SNX9: variants seen among roughly 807,000 people sequenced by gnomAD.
SNX9 encodes the protein sorting nexin-9.
Under a neutral mutation model 89.4 loss-of-function variants are expected in SNX9, and 44 were observed. The observed-to-expected ratio is 0.49, with a 90% CI of 0.39 to 0.63. SNX9 has a LOEUF of 0.63. Among genes scored for constraint, SNX9 ranks in the 30% least tolerant of loss-of-function variants. The pLI is 0.00. For missense variants in SNX9, 578 were observed against 736.1 expected (o/e 0.79, Z 2.49); for synonymous variants, 236 against 247.8 (o/e 0.95, Z 0.45).
In SNX9 at chr6:157,823,429, C is replaced by A; in HGVS notation, c.-6C>A. 1 of 1,245,948 alleles carries A rather than the reference C, an allele frequency of 8.0e-7. No individual in the cohort carries two copies. Among genetic ancestry groups the A allele is most frequent in the Non-Finnish European group, 1.0e-6 (1 of 995,322 alleles). 77.2% of individuals were successfully genotyped at this position (1,245,948 alleles called of 1,614,324 possible). A position where few individuals can be genotyped will look rare whatever the true frequency, so the allele number is the denominator to read the frequency against. The stretch of plus-strand genomic sequence containing the variant: ...CGGCCGTCCCGGGCCGGGGGACCCG[C>A]CCGCCATGGCCACCAAGGTGAGGGG... On this transcript the variant is annotated 5_prime_UTR_variant, in exon 1 of 18. Coordinates refer to ENST00000392185, the MANE Select transcript of SNX9 (RefSeq NM_016224.5). This position sits in a 1 kb window ranked among gnomAD's most constrained non-coding sequence, Gnocchi z 4.6.
chr6:157,836,890 C>T (rs1562589725), intron 1 of SNX9, among the ~76,000 whole-genome samples: 1 of 152,092 alleles, frequency 6.6e-6, no homozygotes, highest in Non-Finnish European at 1.5e-5. Flanking sequence ...CGCGCCCGGC[C>T]GAGAACACAC....
intron 1 of SNX9, among the ~76,000 whole-genome samples, chr6:157,845,694 T>C (rs1299353923): frequency 6.6e-6 from 1 of 152,136 alleles, no homozygotes; most frequent in African/African-American, 2.4e-5. Context: ...ATAGACGGCA[T>C]TGGTGAATCT....
intron 9 of SNX9, 72 bp downstream of exon 9, chr6:157,910,097 A>G (rs928027622): frequency 1.3e-5 from 16 of 1,196,572 alleles, no homozygotes; most frequent in Non-Finnish European, 1.5e-5. Context: ...CCTGTAAGTC[A>G]GTGATGGCAT....
chr6:157,901,672 T>C (rs1042579771), intron 5 of SNX9, among the ~76,000 whole-genome samples: 4 of 152,134 alleles, frequency 2.6e-5, no homozygotes, highest in Non-Finnish European at 5.9e-5. Flanking sequence ...TTAAGTTGCT[T>C]CTGATTTGTC....
intron 1 of SNX9, among the ~76,000 whole-genome samples, chr6:157,834,504 C>A (rs376350632): frequency 1.4e-5 from 2 of 146,938 alleles, no homozygotes; most frequent in Non-Finnish European, 3.0e-5. Flanking sequence ...GTGCCACCCC[C>A]CCGGCCAATT....
At chr6:157,887,282 C>T (rs1307828889) in intron 4 of SNX9, among the ~76,000 whole-genome samples, 5 of 152,166 alleles carry the variant, frequency 3.3e-5, no homozygotes, top group Non-Finnish European at 4.4e-5. Context: ...CCCGATGCCC[C>T]GTGAATCATG....
intron 1 of SNX9, among the ~76,000 whole-genome samples, chr6:157,859,683 CTCTT>C (rs1330188863): frequency 6.6e-6 from 1 of 152,160 alleles, no homozygotes; most frequent in African/African-American, 2.4e-5. Flanking sequence ...TAATTTGTCT[CTCTT>C]AGTGTGTGAG....
At chr6:157,881,331 C>G (rs1039691213) in intron 4 of SNX9, among the ~76,000 whole-genome samples, 9 of 152,140 alleles carry the variant, frequency 5.9e-5, no homozygotes, top group Non-Finnish European at 1.2e-4. Context: ...TCCGCCTGTT[C>G]TACCCGCCAG....
intron 4 of SNX9, among the ~76,000 whole-genome samples, chr6:157,893,634 A>G (rs901448944): frequency 3.1e-5 from 4 of 127,976 alleles, no homozygotes; most frequent in Non-Finnish European, 5.1e-5. Context: ...GTGTGTGTGT[A>G]TAAGACTCAA....
At chr6:157,860,707 T>C (rs1782104251) in intron 1 of SNX9, among the ~76,000 whole-genome samples, 1 of 152,240 alleles carries the variant, frequency 6.6e-6, no homozygotes, top group South Asian at 2.1e-4. Flanking sequence ...TAGCCTCAGT[T>C]TGTATTTCCT....
chr6:157,879,183 A>T (rs986540319), intron 4 of SNX9, among the ~76,000 whole-genome samples: 6 of 152,230 alleles, frequency 3.9e-5, no homozygotes, highest in Admixed American at 2.0e-4. Flanking sequence ...CTGCTCGCAG[A>T]ACGCAGGTTT....
intron 4 of SNX9, among the ~76,000 whole-genome samples, chr6:157,887,099 A>G (rs1353343368): frequency 1.3e-5 from 2 of 152,134 alleles, no homozygotes; most frequent in East Asian, 3.9e-4. Flanking sequence ...TCACCTTGCT[A>G]TATGCTGGAT....
intron 4 of SNX9, among the ~76,000 whole-genome samples, chr6:157,887,370 G>A (rs886784754): frequency 1.3e-5 from 2 of 152,188 alleles, no homozygotes; most frequent in African/African-American, 2.4e-5. Context: ...TCTTCCGTGT[G>A]TGTCTTTCCC....
rs181576611 is a variant in SNX9 at position 157,926,641 on chromosome 6, G to A, written c.1081-470G>A. On this transcript the variant is annotated intron_variant, in intron 10 of 17. Transcript: ENST00000392185. ...TACAAAAAATACAAAAATTAGCCAG[G>A]CATGGTGGCATGCGCCTAAAGTCCC... 2.2e-4 allele frequency among the ~76,000 whole-genome samples: 33 copies of A among 151,918 alleles called. No homozygotes were observed. The East Asian group carries it at 6.2e-3, about 29-fold the overall frequency.
At chr6:157,899,889 C>T (rs2886055) in intron 5 of SNX9, among the ~76,000 whole-genome samples, 98 of 134,956 alleles carry the variant, frequency 7.3e-4, no homozygotes, top group Non-Finnish European at 1.4e-3. Flanking sequence ...ACATGATTAC[C>T]TAAGTGTGTG....
chr6:157,900,466 G>A (rs1028252376), intron 5 of SNX9, among the ~76,000 whole-genome samples: 19 of 152,166 alleles, frequency 1.2e-4, no homozygotes, highest in South Asian at 2.1e-4. Flanking sequence ...GTTCCCAGGC[G>A]GATCGGCCCG....
intron 2 of SNX9, among the ~76,000 whole-genome samples, chr6:157,870,499 C>G (rs1408408699): frequency 6.6e-6 from 1 of 150,758 alleles, no homozygotes; most frequent in African/African-American, 2.4e-5. Flanking sequence ...CTCACCTGCT[C>G]TCACACATAC....
intron 4 of SNX9, among the ~76,000 whole-genome samples, chr6:157,891,905 T>A (rs948610054): frequency 6.6e-6 from 1 of 151,840 alleles, no homozygotes; most frequent in Admixed American, 6.6e-5. Context: ...TAGTGGCAGG[T>A]AGGGAGAATG....
chr6:157,834,846 T>C (rs1206208758), intron 1 of SNX9, among the ~76,000 whole-genome samples: 1 of 152,172 alleles, frequency 6.6e-6, no homozygotes, highest in African/African-American at 2.4e-5. Context: ...ATTAGTCTGA[T>C]GCAATTCCAA....
Sources: gnomAD v4.1 joint callset for allele counts (sites outside exome capture counted in the v4.1 genomes callset) on GRCh38, gnomAD v4.1.1 for gene constraint, Gnocchi (gnomAD v3.1) non-coding constraint, MANE v1.5 for transcripts, NCBI Gene and HGNC (gene_info 2026-07-23, HGNC 2026-07-21) for gene names.